RANBP2: variants seen among roughly 807,000 people sequenced by gnomAD.
RANBP2 encodes RAN binding protein 2.
RANBP2 carries 57 observed loss-of-function variants against 303.6 expected under a neutral mutation model. That is an observed-to-expected ratio of 0.19 (90% CI 0.15 to 0.23). The LOEUF is 0.23. Among genes scored for constraint, RANBP2 ranks in the 10% least tolerant of loss-of-function variants. The pLI, the probability that RANBP2 is intolerant of heterozygous loss-of-function variation, is 1.00. For missense variants in RANBP2, 3,138 were observed against 3,780.8 expected, an observed-to-expected ratio of 0.83 and a Z score of 4.46; for synonymous variants, 1,167 against 1,301.5, an observed-to-expected ratio of 0.90 and a Z score of 2.23.
chr2:109,017,443 T>C, the RANBP2 span, among the ~76,000 whole-genome samples: 2 of 152,152 alleles, frequency 1.3e-5, no homozygotes, highest in African/African-American at 4.8e-5. Context: ...CAAGAGACCT[T>C]GGGAATCACA....
chr2:108,937,764 T>C, the RANBP2 span, among the ~76,000 whole-genome samples: 1,105 of 152,178 alleles, frequency 7.3e-3, 17 homozygotes, highest in African/African-American at 0.024. Flanking sequence ...AATGTATGTG[T>C]GTGAATGTAT....
At chr2:108,844,061 T>G in the RANBP2 span, among the ~76,000 whole-genome samples, 1 of 151,452 alleles carries the variant, frequency 6.6e-6, no homozygotes, top group Non-Finnish European at 1.5e-5. Flanking sequence ...AGGGTCTCCC[T>G]ATGTTGCCCA....
chr2:109,046,132 G>A, the RANBP2 span, among the ~76,000 whole-genome samples: 5 of 151,584 alleles, frequency 3.3e-5, no homozygotes, highest in South Asian at 2.1e-4. Context: ...GTGAAACCCC[G>A]TCTCTACTAA....
At chr2:108,996,553 C>A in the RANBP2 span, among the ~76,000 whole-genome samples, 1 of 152,194 alleles carries the variant, frequency 6.6e-6, no homozygotes, top group African/African-American at 2.4e-5. Context: ...ATACCCCAGA[C>A]GGGATCTAGG....
chr2:109,210,240 G>T, the RANBP2 span, among the ~76,000 whole-genome samples: 3 of 152,232 alleles, frequency 2.0e-5, no homozygotes, highest in Admixed American at 1.3e-4. Context: ...CCTTTTGGCT[G>T]TTGGGAATAA....
the RANBP2 span, among the ~76,000 whole-genome samples, chr2:109,028,941 G>A: frequency 1.3e-5 from 2 of 151,856 alleles, no homozygotes; most frequent in African/African-American, 4.8e-5. Context: ...TTATTTATTT[G>A]TTTGTTTATT....
the RANBP2 span, among the ~76,000 whole-genome samples, chr2:109,590,041 CATATAT>C: frequency 1.0e-4 from 15 of 148,734 alleles, no homozygotes; most frequent in African/African-American, 3.8e-4. Context: ...TATATACACA[CATATAT>C]ATGTGTGTGT....
the RANBP2 span, among the ~76,000 whole-genome samples, chr2:109,006,707 G>C: frequency 6.6e-6 from 1 of 152,136 alleles, no homozygotes; most frequent in African/African-American, 2.4e-5. Context: ...TGAGAGCGGA[G>C]GCCCCTCGGG....
At chr2:109,692,334 A>G in the RANBP2 span, among the ~76,000 whole-genome samples, 1 of 152,098 alleles carries the variant, frequency 6.6e-6, no homozygotes, top group Admixed American at 6.6e-5. Flanking sequence ...GAGGGGTGGC[A>G]CATCTCCTTG....
chr2:109,212,448 T>C, the RANBP2 span, among the ~76,000 whole-genome samples: 1 of 152,230 alleles, frequency 6.6e-6, no homozygotes, highest in African/African-American at 2.4e-5. Flanking sequence ...TACAAAAGTC[T>C]CAAAATGAAT....
chr2:109,615,700 G>C, the RANBP2 span: 1 of 1,613,856 alleles, frequency 6.2e-7, no homozygotes, highest in Non-Finnish European at 8.5e-7. Flanking sequence ...GACGGGGAAA[G>C]CGCCGCGGGT....
the RANBP2 span, chr2:109,129,464 G>T: frequency 6.7e-7 from 1 of 1,495,166 alleles, no homozygotes; most frequent in Non-Finnish European, 8.9e-7. Flanking sequence ...CAGTCCTGAT[G>T]CTGGCTGCCG....
At chr2:109,760,110 C>A in the RANBP2 span, among the ~76,000 whole-genome samples, 3 of 131,610 alleles carry the variant, frequency 2.3e-5, no homozygotes, top group African/African-American at 8.8e-5. Context: ...TAATTAATGT[C>A]ATAGTGACTA....
chr2:109,248,402 AT>A, the RANBP2 span, among the ~76,000 whole-genome samples: 1 of 152,042 alleles, frequency 6.6e-6, no homozygotes, highest in East Asian at 1.9e-4. Flanking sequence ...TATCGCTCTC[AT>A]TTTTTTCCTT....
the RANBP2 span, among the ~76,000 whole-genome samples, chr2:109,777,146 A>T: frequency 8.5e-6 from 1 of 117,848 alleles, no homozygotes; most frequent in African/African-American, 3.1e-5. Flanking sequence ...AAGCTTTGTC[A>T]TTCACTGTTG....
intron 4 of RANBP2, among the ~76,000 whole-genome samples, chr2:108,732,223 T>C (rs535941138): frequency 2.6e-5 from 4 of 152,320 alleles, no homozygotes; most frequent in African/African-American, 9.6e-5. Flanking sequence ...GAAATAATTA[T>C]AGATTTTTTT....
the RANBP2 span, chr2:108,895,172 T>G: frequency 6.6e-6 from 1 of 152,630 alleles, no homozygotes; most frequent in Non-Finnish European, 1.5e-5. Context: ...ATGATGATAT[T>G]AAATATTCAG....
chr2:109,349,879 C>A, the RANBP2 span, among the ~76,000 whole-genome samples: 2 of 152,238 alleles, frequency 1.3e-5, no homozygotes, highest in African/African-American at 4.8e-5. Context: ...CTAGAGCCCA[C>A]TGGACAAGAG....
At chr2:108,946,298 G>A in the RANBP2 span, among the ~76,000 whole-genome samples, 2 of 152,194 alleles carry the variant, frequency 1.3e-5, no homozygotes, top group East Asian at 1.9e-4. Context: ...TGACAGTGAC[G>A]GGAGTAGCAC....
Sources: gnomAD v4.1 joint callset for allele counts (sites outside exome capture counted in the v4.1 genomes callset) on GRCh38, gnomAD v4.1.1 for gene constraint, MANE v1.5 for transcripts, NCBI Gene and HGNC (gene_info 2026-07-23, HGNC 2026-07-21) for gene names.